ARHGEF28: variants seen among roughly 807,000 people sequenced by gnomAD.
ARHGEF28 encodes Rho guanine nucleotide exchange factor 28, also known as 190 kDa guanine nucleotide exchange factor.
In ARHGEF28, 152 loss-of-function variants were observed where a neutral mutation model predicts 206.6. The ratio of observed to expected loss-of-function variants is 0.74; its 90% CI spans 0.64 to 0.84. ARHGEF28 has a LOEUF of 0.84. Ranked by LOEUF, ARHGEF28 falls within the 40% of genes least tolerant of loss-of-function variation. ARHGEF28 has a pLI of 0.00. For synonymous variants in ARHGEF28, 763 were observed against 776.4 expected (o/e 0.98, Z 0.29); for missense variants, 2,028 against 2,073.2 (o/e 0.98, Z 0.42).
intron 1 of ARHGEF28, among the ~76,000 whole-genome samples, chr5:73,676,805 A>G (rs966691002): frequency 6.6e-6 from 1 of 152,148 alleles, no homozygotes; most frequent in African/African-American, 2.4e-5. Context: ...CTTTTTCCCT[A>G]GTTGGCAAGC....
At chr5:73,653,007 G>T (rs1744929524) in intron 1 of ARHGEF28, among the ~76,000 whole-genome samples, 1 of 152,158 alleles carries the variant, frequency 6.6e-6, no homozygotes, top group Admixed American at 6.5e-5. Context: ...TGTGTATCAG[G>T]TACTTTACAT....
intron 35 of ARHGEF28, among the ~76,000 whole-genome samples, chr5:73,938,094 A>G (rs916964638): frequency 6.6e-6 from 1 of 151,472 alleles, no homozygotes; most frequent in African/African-American, 2.4e-5. Flanking sequence ...GCTCTCACCT[A>G]GGAATGTGTT....
chr5:73,687,047 C>A (rs1237361648), intron 2 of ARHGEF28, among the ~76,000 whole-genome samples: 2 of 152,102 alleles, frequency 1.3e-5, no homozygotes, highest in East Asian at 3.8e-4. Context: ...GATGTCATTA[C>A]CTACACGTGT....
chr5:73,701,445 G>A (rs991724504), intron 2 of ARHGEF28, among the ~76,000 whole-genome samples: 8 of 152,116 alleles, frequency 5.3e-5, no homozygotes, highest in Admixed American at 2.0e-4. Flanking sequence ...AGTGGAAGTT[G>A]GGATGATGGG....
intron 1 of ARHGEF28, among the ~76,000 whole-genome samples, chr5:73,653,638 G>C (rs2112171096): frequency 6.6e-6 from 1 of 152,188 alleles, no homozygotes; most frequent in East Asian, 1.9e-4. Context: ...CATGTTCTCT[G>C]TGCTCCATGC....
At chr5:73,822,136 T>C (rs1454074875) in intron 9 of ARHGEF28, among the ~76,000 whole-genome samples, 2 of 152,176 alleles carry the variant, frequency 1.3e-5, no homozygotes, top group African/African-American at 4.8e-5. Flanking sequence ...AGTGTACTTG[T>C]TATTTACGAG....
At chr5:73,925,910 A>C (rs1461522346) in intron 35 of ARHGEF28, among the ~76,000 whole-genome samples, 1 of 152,222 alleles carries the variant, frequency 6.6e-6, no homozygotes, top group African/African-American at 2.4e-5. Flanking sequence ...TGCTATAAAC[A>C]TTCTTGTACA....
At chr5:73,854,797 A>C (rs1439299680) in intron 14 of ARHGEF28, among the ~76,000 whole-genome samples, 3 of 152,148 alleles carry the variant, frequency 2.0e-5, no homozygotes, top group Non-Finnish European at 4.4e-5. Context: ...GTGCCACAGC[A>C]TCCTAGTCTG....
intron 11 of ARHGEF28, among the ~76,000 whole-genome samples, chr5:73,844,778 A>G (rs1448192707): frequency 6.7e-6 from 1 of 149,994 alleles, no homozygotes; most frequent in East Asian, 1.9e-4. Flanking sequence ...AAAAAAAAAA[A>G]AAAAAACCAC....
Position 73,773,886 on chromosome 5 carries a change from G to C in ARHGEF28, c.507G>C (p.Leu169=). 6.2e-7 allele frequency: 1 copy of C among 1,608,240 alleles called. No individual in the cohort carries two copies. Among genetic ancestry groups the C allele is most frequent in the Non-Finnish European group, 8.5e-7 (1 of 1,177,222 alleles). Residue 169 remains leucine (L), a synonymous_variant, in exon 5 of 36, where the codon CTG becomes CTC. Transcript: ENST00000513042. The part of the protein sequence containing the change: ...VSSHRESLLH[L]AMRWGLAKLS... Reference sequence around the variant, plus strand: ...CTCACAGAGAATCTCTTCTACACCTGGCTATGAGATGGGGCCTGGCTAAAC... The same window carrying C: ...CTCACAGAGAATCTCTTCTACACCTCGCTATGAGATGGGGCCTGGCTAAAC...
intron 11 of ARHGEF28, among the ~76,000 whole-genome samples, chr5:73,843,022 G>A (rs1579973966): frequency 6.6e-6 from 1 of 150,974 alleles, no homozygotes; most frequent in Non-Finnish European, 1.5e-5. Context: ...TCAGGTGTGT[G>A]AGCCCCCAGA....
At chr5:73,724,909 C>G (rs1439116161) in intron 2 of ARHGEF28, among the ~76,000 whole-genome samples, 6 of 152,008 alleles carry the variant, frequency 3.9e-5, no homozygotes, top group Admixed American at 2.6e-4. Flanking sequence ...AAATAAATAC[C>G]TGGGAGTAGA....
At chr5:73,645,361 G>T (rs1312452611) in intron 1 of ARHGEF28, among the ~76,000 whole-genome samples, 1 of 151,984 alleles carries the variant, frequency 6.6e-6, no homozygotes, top group Non-Finnish European at 1.5e-5. Flanking sequence ...GGTTGTTAGG[G>T]TTTCCAATCA....
intron 14 of ARHGEF28, among the ~76,000 whole-genome samples, chr5:73,853,764 C>A (rs1758847573): frequency 6.6e-6 from 1 of 152,132 alleles, no homozygotes; most frequent in East Asian, 1.9e-4. Context: ...AAGCAATTTA[C>A]TTCCTCATTC....
chr5:73,794,514 T>TTTTTA (rs1754681420), intron 8 of ARHGEF28, 60 bp downstream of exon 8: 1 of 1,344,490 alleles, frequency 7.4e-7, no homozygotes, highest in Admixed American at 2.2e-5. Flanking sequence ...GAAATGAAGA[T>TTTTTA]TTAGTGGTAA....
intron 2 of ARHGEF28, among the ~76,000 whole-genome samples, chr5:73,694,727 C>T (rs1222738395): frequency 6.6e-6 from 1 of 152,198 alleles, no homozygotes; most frequent in Non-Finnish European, 1.5e-5. Flanking sequence ...TTCTTTTCCT[C>T]TCCATATCTT....
intron 16 of ARHGEF28, among the ~76,000 whole-genome samples, chr5:73,862,188 T>G (rs550310805): frequency 3.9e-5 from 6 of 152,336 alleles, no homozygotes; most frequent in Admixed American, 2.6e-4. Context: ...TATGTTGATG[T>G]TACATTATCT....
intron 2 of ARHGEF28, among the ~76,000 whole-genome samples, chr5:73,730,064 T>A (rs1054876241): frequency 1.3e-5 from 2 of 152,216 alleles, no homozygotes; most frequent in Non-Finnish European, 2.9e-5. Context: ...CATCTAATTC[T>A]GATCTAAAAA....
chr5:73,812,171 C>T (rs1342720749), intron 9 of ARHGEF28, among the ~76,000 whole-genome samples: 2 of 152,098 alleles, frequency 1.3e-5, no homozygotes, highest in African/African-American at 2.4e-5. Flanking sequence ...AGTGGTCTCT[C>T]CCCTTTCTCC....
Sources: allele counts gnomAD v4.1 joint callset (sites outside exome capture counted in the v4.1 genomes callset), GRCh38; gene constraint gnomAD v4.1.1; transcripts MANE v1.5; gene names NCBI Gene and HGNC (gene_info 2026-07-23, HGNC 2026-07-21).